QPCT: variants seen among roughly 807,000 people sequenced by gnomAD.
QPCT encodes EC.
QPCT carries 44 observed loss-of-function variants against 43.4 expected under a neutral mutation model. That is an observed-to-expected ratio of 1.01 (90% confidence interval 0.80 to 1.30). The LOEUF is 1.30. Ranked by LOEUF, QPCT falls within the 50% of genes most tolerant of loss-of-function variation. The pLI, the probability that QPCT is intolerant of heterozygous loss-of-function variation, is 0.00. For missense variants in QPCT, 526 were observed against 436.5 expected (o/e 1.21, Z -1.83); for synonymous variants, 168 against 168.4 (o/e 1.00, Z 0.02).
At chr2:37,351,954 C>G (rs556697047) in intron 1 of QPCT, among the ~76,000 whole-genome samples, 1 of 150,590 alleles carries the variant, frequency 6.6e-6, no homozygotes, top group Non-Finnish European at 1.5e-5. Context: ...TGCTTGAGCC[C>G]GGGAGGTGGA....
chr2:37,370,054 G>A (rs986443222), intron 5 of QPCT, among the ~76,000 whole-genome samples: 3 of 151,922 alleles, frequency 2.0e-5, no homozygotes, highest in Non-Finnish European at 4.4e-5. Context: ...GTGTGGTGGC[G>A]GGCACCTGTA....
intron 1 of QPCT, among the ~76,000 whole-genome samples, chr2:37,349,120 G>A (rs1229897275): frequency 6.6e-6 from 1 of 152,234 alleles, no homozygotes; most frequent in Non-Finnish European, 1.5e-5. Flanking sequence ...ACTGAGTGTA[G>A]TTGGTTGTTT....
Position 37,366,249 on chromosome 2 carries a change from G to T in QPCT, c.547-983G>T, listed in dbSNP as rs559712390. Among the ~76,000 whole-genome samples the T allele has an allele frequency of 2.0e-5, 3 of 152,298 alleles. No homozygotes were observed. In the South Asian group the frequency reaches 6.2e-4, roughly 32 times the overall value. The stretch of plus-strand genomic sequence containing the variant: ...AGGGGTTATTGTCAGACGGAGGAAA[G>T]TGTAAAATCAGTTAGAATCCTAGTC... On this transcript the variant is annotated intron_variant, in intron 3 of 6. Transcript: ENST00000338415.
chr2:37,372,549 G>A (rs887704414), intron 6 of QPCT, 77 bp downstream of exon 6: 7 of 1,468,546 alleles, frequency 4.8e-6, no homozygotes, highest in East Asian at 2.3e-5. Flanking sequence ...TGGGATATGA[G>A]AAAGTACACA....
At chr2:37,361,199 TTATTCTTCCAGTTA>T (rs1672851747) in intron 3 of QPCT, among the ~76,000 whole-genome samples, 1 of 152,196 alleles carries the variant, frequency 6.6e-6, no homozygotes, top group Non-Finnish European at 1.5e-5. Context: ...AGTATCAGAT[TTATTCTTCCAGTTA>T]TATGTTTTAA....
chr2:37,363,169 G>T (rs1157108403), intron 3 of QPCT, among the ~76,000 whole-genome samples: 1 of 152,218 alleles, frequency 6.6e-6, no homozygotes, highest in African/African-American at 2.4e-5. Flanking sequence ...AAAAATCCCA[G>T]ATGGTGACAT....
intron 3 of QPCT, among the ~76,000 whole-genome samples, chr2:37,363,659 TAAAAAAAAAAA>T (rs58100358): frequency 2.5e-5 from 2 of 79,446 alleles, no homozygotes; most frequent in Non-Finnish European, 7.4e-5. Context: ...TTTTAAAATG[TAAAAAAAAAAA>T]AAAAAAAAAA....
chr2:37,371,470 T>C (rs1263701900), intron 5 of QPCT, among the ~76,000 whole-genome samples: 1 of 148,060 alleles, frequency 6.8e-6, no homozygotes, highest in East Asian at 2.0e-4. Context: ...TTGTGTCTCA[T>C]GGTAAAGGAA....
In QPCT at chr2:37,352,921, T is replaced by C; in HGVS notation, c.253T>C (p.Tyr85His). The change falls in exon 2 of 7, where the codon TAT (tyrosine) becomes CAT (histidine). Residue 85 changes from tyrosine (Y) to histidine (H), a missense_variant. Physicochemically the swap from Tyr to His is moderately conservative, Grantham distance 83. Transcript: ENST00000338415. ...IERYPGSPGS[Y>H]AARQHIMQRI... ...GCGATACCCGGGATCCCCTGGAAGC[T>C]ATGCTGCTCGTCAGGTGAGAACATG... is the stretch of plus-strand genomic sequence containing the variant. 1.2e-6 allele frequency: 2 copies of C among 1,613,630 alleles called. No individual in the cohort carries two copies. The highest frequency in any genetic ancestry group is 1.7e-6 in the Non-Finnish European group (2 of 1,179,600).
intron 2 of QPCT, among the ~76,000 whole-genome samples, chr2:37,359,345 A>G (rs1469508978): frequency 6.6e-6 from 1 of 152,256 alleles, no homozygotes; most frequent in Non-Finnish European, 1.5e-5. Context: ...ATTGATTAGT[A>G]AGGGGAAGTT....
intron 3 of QPCT, among the ~76,000 whole-genome samples, chr2:37,363,872 A>G (rs1004372201): frequency 2.0e-5 from 3 of 152,056 alleles, no homozygotes; most frequent in Admixed American, 6.5e-5. Context: ...TAAAATTTCT[A>G]TTTTCAAAAT....
intron 1 of QPCT, among the ~76,000 whole-genome samples, chr2:37,348,222 G>A (rs1672547151): frequency 6.6e-6 from 1 of 152,142 alleles, no homozygotes; most frequent in African/African-American, 2.4e-5. Context: ...CATCTAGTTG[G>A]TAAGTATCAT....
In QPCT at chr2:37,372,736, T is replaced by C; in HGVS notation, c.995T>C (p.Met332Thr). ...CCTTTCCCTGAAGTCTGGCACACCA[T>C]GGATGACAATGAAGAAAATTTGGAT... The part of the protein sequence containing the change: ...PSPFPEVWHT[M>T]DDNEENLDES... Residue 332 changes from methionine to threonine, a missense_variant, in exon 7 of 7, where the codon ATG becomes ACG. Transcript: ENST00000338415. 1 of 1,613,658 alleles carries C rather than the reference T, an allele frequency of 6.2e-7. No individual in the cohort carries two copies. The highest frequency in any genetic ancestry group is 8.5e-7 in the Non-Finnish European group (1 of 1,179,640).
rs367841713 is a variant in QPCT, at chr2:37,347,411, G to A, written c.120+2560G>A. Reference sequence around the variant, plus strand: ...CCTGATCTCTCCTTTCTTCTTCTGTGCTTTTCTAATGGTAGATGAGTCCTG... The same window carrying A: ...CCTGATCTCTCCTTTCTTCTTCTGTACTTTTCTAATGGTAGATGAGTCCTG... On this transcript the variant is annotated intron_variant, in intron 1 of 6. Transcript: ENST00000338415. 4.1e-4 allele frequency among the ~76,000 whole-genome samples: 62 copies of A among 150,826 alleles called. No individual in the cohort carries two copies. The East Asian group carries it at 8.1e-3, about 20-fold the overall frequency.
intron 5 of QPCT, among the ~76,000 whole-genome samples, chr2:37,372,041 C>A (rs183562064): frequency 6.6e-6 from 1 of 152,266 alleles, no homozygotes; most frequent in East Asian, 1.9e-4. Context: ...TGTGTTGTCC[C>A]CTTCCACCCA....
rs114553612 is a variant in QPCT, at chr2:37,350,635, T to G, written c.121-2154T>G. On this transcript the variant is annotated intron_variant, in intron 1 of 6. Coordinates refer to ENST00000338415, the MANE Select transcript of QPCT (RefSeq NM_012413.4). ...TTGGAAATCCCCAGACAGCGGATCTTTTTGTGGATTTACCTGTAACTCTCC... is the reference window on the plus strand; with the variant it reads ...TTGGAAATCCCCAGACAGCGGATCTGTTTGTGGATTTACCTGTAACTCTCC... Among the ~76,000 whole-genome samples the G allele has an allele frequency of 6.0e-3, 907 of 152,236 alleles. 10 individuals are homozygous for G. Among genetic ancestry groups the G allele is most frequent in the African/African-American group, 0.021 (871 of 41,520 alleles).
chr2:37,347,865 G>A (rs913558311), intron 1 of QPCT, among the ~76,000 whole-genome samples: 3 of 152,042 alleles, frequency 2.0e-5, no homozygotes, highest in Non-Finnish European at 2.9e-5. Flanking sequence ...TATTAGTTTC[G>A]ATAAACTAAA....
chr2:37,350,977 G>A, intron 1 of QPCT, among the ~76,000 whole-genome samples: 1 of 152,208 alleles, frequency 6.6e-6, no homozygotes, highest in South Asian at 2.1e-4. Flanking sequence ...GTGGGGTGCT[G>A]AGTTGAGAGG....
intron 2 of QPCT, among the ~76,000 whole-genome samples, chr2:37,357,925 A>G (rs1672782663): frequency 6.6e-6 from 1 of 151,746 alleles, no homozygotes; most frequent in Non-Finnish European, 1.5e-5. Flanking sequence ...CCAGTTATTC[A>G]TTTTTCATTT....
Sources: allele counts gnomAD v4.1 joint callset (sites outside exome capture counted in the v4.1 genomes callset), GRCh38; gene constraint gnomAD v4.1.1; transcripts MANE v1.5; gene names NCBI Gene and HGNC (gene_info 2026-07-23, HGNC 2026-07-21).